SP6: variants seen among roughly 807,000 people sequenced by gnomAD.
SP6 encodes transcription factor Sp6.
In SP6, 10 loss-of-function variants were observed where a neutral mutation model predicts 23.4. The observed-to-expected ratio is 0.43, with a 90% CI of 0.26 to 0.72. SP6 has a LOEUF of 0.72. Ranked by LOEUF, SP6 falls within the 30% of genes least tolerant of loss-of-function variation. The pLI, the probability that SP6 is intolerant of heterozygous loss-of-function variation, is 0.23. For synonymous variants in SP6, 238 were observed against 238.7 expected (o/e 1.00, Z 0.03); for missense variants, 482 against 523.8 (o/e 0.92, Z 0.78).
upstream of SP6, among the ~76,000 whole-genome samples, chr17:47,856,385 G>A (rs1423184011): frequency 1.3e-5 from 2 of 152,142 alleles, no homozygotes; most frequent in African/African-American, 4.8e-5. Context: ...GCTTAGGATG[G>A]ACAAGAGGTC....
upstream of SP6, among the ~76,000 whole-genome samples, chr17:47,854,657 C>T (rs59483607): frequency 0.033 from 5,052 of 152,302 alleles, 274 homozygotes; most frequent in African/African-American, 0.12. Context: ...AGACTCTACA[C>T]TTGTGATCCC....
At chr17:47,873,736 C>G in the SP6 span, among the ~76,000 whole-genome samples, 1 of 152,186 alleles carries the variant, frequency 6.6e-6, no homozygotes, top group Non-Finnish European at 1.5e-5. Context: ...TCTCACCACT[C>G]TCTGCCTCAG....
the SP6 span, among the ~76,000 whole-genome samples, chr17:47,870,426 C>A: frequency 6.6e-6 from 1 of 152,120 alleles, no homozygotes; most frequent in Non-Finnish European, 1.5e-5. Flanking sequence ...CAAATGACAT[C>A]CCTGCTTCTT....
chr17:47,874,177 C>G, the SP6 span, among the ~76,000 whole-genome samples: 1 of 152,044 alleles, frequency 6.6e-6, no homozygotes, highest in East Asian at 1.9e-4. Flanking sequence ...GCCTCAACCT[C>G]CCTGGCTCAA....
At chr17:47,858,615 G>A (rs974714247), upstream of SP6, among the ~76,000 whole-genome samples, 10 of 152,010 alleles carry the variant, frequency 6.6e-5, no homozygotes, top group African/African-American at 2.4e-4. Context: ...CAAATGAGGT[G>A]GAAATGGGCA....
chr17:47,868,992 G>A, the SP6 span, among the ~76,000 whole-genome samples: 2 of 152,232 alleles, frequency 1.3e-5, no homozygotes, highest in Non-Finnish European at 2.9e-5. Context: ...CACCAGAGCC[G>A]GGCTGTCTGA....
In SP6 at chr17:47,847,504, G is replaced by T. The variant is rs758370116; in HGVS notation, c.926C>A (p.Thr309Asn). 48 of 1,613,686 alleles carry T rather than the reference G, an allele frequency of 3.0e-5. No homozygotes were observed. The highest frequency in any genetic ancestry group is 4.0e-5 in the Non-Finnish European group (47 of 1,179,962). ...TGCACAGGGGAACTTCTTGGTGCCG[G>T]TGTGGGTCTGGAGGTGGCGCTGCAG... Reference protein sequence around the residue: ...DELQRHLQTHTGTKKFPCAVC... With the variant: ...DELQRHLQTHNGTKKFPCAVC... The change falls in exon 2 of 2, where the codon ACC (threonine) becomes AAC (asparagine). Residue 309 changes from threonine (T) to asparagine (N), a missense_variant. This residue lies in a region of SP6 where 101 missense variants were observed against 99.3 expected (regional missense o/e 1.02). Transcript: ENST00000536300.
the SP6 span, among the ~76,000 whole-genome samples, chr17:47,870,085 G>A: frequency 6.6e-6 from 1 of 152,274 alleles, no homozygotes; most frequent in East Asian, 1.9e-4. Flanking sequence ...AAGAAAGACA[G>A]GAGGCTGTGC....
chr17:47,851,509 G>A (rs1029380451), upstream of SP6, among the ~76,000 whole-genome samples: 2 of 152,172 alleles, frequency 1.3e-5, no homozygotes, highest in African/African-American at 4.8e-5. Flanking sequence ...GCAGGTCCTG[G>A]GGGTGAGACA....
chr17:47,850,125 G>T (rs9915028), intron 1 of SP6, among the ~76,000 whole-genome samples: 32,230 of 152,116 alleles, frequency 0.21, 4,729 homozygotes, highest in African/African-American at 0.42. Flanking sequence ...GAGCTGTGAA[G>T]CCAGGGACCC....
chr17:47,875,397 C>T, the SP6 span, among the ~76,000 whole-genome samples: 58 of 152,330 alleles, frequency 3.8e-4, no homozygotes, highest in African/African-American at 1.2e-3. Flanking sequence ...GCCCTCACCC[C>T]TCTGAGCCAG....
chr17:47,857,929 C>T (rs2034010072), upstream of SP6, among the ~76,000 whole-genome samples: 1 of 151,870 alleles, frequency 6.6e-6, no homozygotes, highest in Non-Finnish European at 1.5e-5. Flanking sequence ...CCACACGAGC[C>T]ACCTCCCCCA....
At chr17:47,866,142 C>G in the SP6 span, among the ~76,000 whole-genome samples, 1 of 152,154 alleles carries the variant, frequency 6.6e-6, no homozygotes, top group Admixed American at 6.5e-5. Context: ...TATAAAGGTT[C>G]CTGTCCCTGA....
At chr17:47,868,357 A>G in the SP6 span, among the ~76,000 whole-genome samples, 11 of 152,268 alleles carry the variant, frequency 7.2e-5, no homozygotes, top group Admixed American at 6.5e-4. Flanking sequence ...ACTCAGTCAC[A>G]TGAGCAGAGT....
chr17:47,849,334 C>G (rs2033931595), intron 1 of SP6, among the ~76,000 whole-genome samples: 1 of 152,178 alleles, frequency 6.6e-6, no homozygotes, highest in African/African-American at 2.4e-5. Flanking sequence ...AATGGCTTCC[C>G]CAGAGAAGAG....
rs761469460 is a variant in SP6 at position 47,847,752 on chromosome 17, G to A, written c.678C>T (p.Thr226=). 5 of 1,579,564 alleles carry A rather than the reference G, an allele frequency of 3.2e-6. No individual in the cohort carries two copies. The highest frequency in any genetic ancestry group is 1.8e-5 in the Admixed American group (1 of 57,136). ...CCAGACAGTTGGGGCAGCGACAGAC[G>A]GTCTGGCCTGAGCTGCGGGGCACCG... ...RRSVPRSSGQ[T]VCRCPNCLEA... Residue 226 remains threonine, a synonymous_variant, in exon 2 of 2, where the codon ACC becomes ACT. Transcript: ENST00000536300.
chr17:47,871,289 G>A, the SP6 span, among the ~76,000 whole-genome samples: 1 of 152,164 alleles, frequency 6.6e-6, no homozygotes, highest in Non-Finnish European at 1.5e-5. Flanking sequence ...AGCACCTACT[G>A]TGTGCAAACC....
In SP6 at chr17:47,848,835, A is replaced by AT. The variant is rs1216397855; in HGVS notation, c.-57-350dup. Among the ~76,000 whole-genome samples, 2 of 151,992 alleles carry AT rather than the reference A, an allele frequency of 1.3e-5. No individual in the cohort carries two copies. Among genetic ancestry groups the AT allele is most frequent in the Non-Finnish European group, 2.9e-5 (2 of 68,004 alleles). On this transcript the variant is annotated intron_variant, in intron 1 of 1. Transcript: ENST00000536300. This position sits in a 1 kb window ranked among gnomAD's most constrained non-coding sequence, Gnocchi z 5.3. ...CCAGGCCAACACAAGGGGCAGTGGC[A>AT]TTTTCCCCCTGCAGACCTGCTGTCA...
the SP6 span, among the ~76,000 whole-genome samples, chr17:47,861,866 C>T: frequency 6.6e-6 from 1 of 151,826 alleles, no homozygotes; most frequent in African/African-American, 2.4e-5. Context: ...GGCAACATAG[C>T]CAGACCCCAT....
Sources: allele counts gnomAD v4.1 joint callset (sites outside exome capture counted in the v4.1 genomes callset), GRCh38; gene constraint gnomAD v4.1.1; regional missense constraint gnomAD v4.1.1; non-coding constraint Gnocchi (gnomAD v3.1); transcripts MANE v1.5; gene names NCBI Gene and HGNC (gene_info 2026-07-23, HGNC 2026-07-21).